The following SMCHD1 variants were observed in gnomAD, a reference collection of about 807,000 sequenced individuals.
The protein encoded by SMCHD1 is structural maintenance of chromosomes flexible hinge domain containing 1, also known as structural maintenance of chromosomes flexible hinge domain-containing protein 1.
A neutral mutation model predicts 254.7 loss-of-function variants in SMCHD1; 78 were observed. The observed-to-expected ratio is 0.31, with a 90% confidence interval of 0.26 to 0.37. The LOEUF is 0.37. Ranked by LOEUF, SMCHD1 falls within the 10% of genes least tolerant of loss-of-function variation. SMCHD1 has a pLI of 1.00. For synonymous variants in SMCHD1, 766 were observed against 794.9 expected, an observed-to-expected ratio of 0.96 and a Z score of 0.61; for missense variants, 1,840 against 2,408.1, an observed-to-expected ratio of 0.76 and a Z score of 4.94.
rs750987658 is a variant in SMCHD1, at chr18:2,760,730, C to G, written c.4425C>G (p.Asn1475Lys). Residue 1475 changes from asparagine (N) to lysine (K), a missense_variant, in exon 35 of 48, where the codon AAC becomes AAG. Asn to Lys is a moderately conservative substitution (Grantham distance 94). This residue lies in a region of SMCHD1 where 881 missense variants were observed against 1,009.5 expected (regional missense o/e 0.87). Coordinates refer to ENST00000320876, the MANE Select transcript of SMCHD1 (RefSeq NM_015295.3). ...TGATGGATAAAACAAATATTCTCAA[C>G]AGTGAACAGGTTTGCTTACTTTTTT... ...GFMMDKTNIL[N>K]SEQVIVEVLP... The G allele has an allele frequency of 6.3e-7, 1 of 1,597,836 alleles. No homozygotes were observed. The highest frequency in any genetic ancestry group is 2.2e-5 in the East Asian group (1 of 44,592).
chr18:2,728,444 A>T lies in SMCHD1; in HGVS notation c.2774-13A>T, dbSNP rs2075067303. The T allele has an allele frequency of 6.2e-7, 1 of 1,611,252 alleles. No individual in the cohort carries two copies. The highest frequency in any genetic ancestry group is 8.5e-7 in the Non-Finnish European group (1 of 1,178,682). On this transcript the variant is annotated splice_polypyrimidine_tract_variant and intron_variant, in intron 22 of 47. Coordinates refer to ENST00000320876, the MANE Select transcript of SMCHD1 (RefSeq NM_015295.3). The stretch of plus-strand genomic sequence containing the variant: ...AACCTGAATATGTATTTCATTGTAT[A>T]ATTTACTGTTAGGTCACCCTCGTCG...
In SMCHD1 at chr18:2,673,509, C is replaced by T. The variant is rs73936777; in HGVS notation, c.507+146C>T. ...TTCATCCATTGTTAAAATTTTTTCA[C>T]GTTTTTTTCCTATGCATATATGTAT... On this transcript the variant is annotated intron_variant, in intron 4 of 47. Coordinates refer to ENST00000320876, the MANE Select transcript of SMCHD1 (RefSeq NM_015295.3). 7,628 of 639,032 alleles carry T rather than the reference C, an allele frequency of 0.012. 460 individuals carry two copies. The African/African-American group carries it at 0.13, about 11-fold the overall frequency. The allele number at this position is 639,032 out of a possible 1,614,324, so 39.6% of individuals were successfully genotyped here.
At chr18:2,780,932 G>C (rs2076147659) in intron 44 of SMCHD1, among the ~76,000 whole-genome samples, 1 of 152,230 alleles carries the variant, frequency 6.6e-6, no homozygotes, top group Non-Finnish European at 1.5e-5. Context: ...TGCTATTTCA[G>C]ATATGTATCT....
At position 2,762,150 on chromosome 18, in the gene SMCHD1, A is replaced by G; in HGVS notation, c.4480A>G (p.Lys1494Glu). Residue 1494 changes from lysine to glutamate, a missense_variant, in exon 36 of 48, where the codon AAA (lysine) becomes GAA (glutamate). Physicochemically the swap from Lys to Glu is moderately conservative, Grantham distance 56. Transcript: ENST00000320876. The part of the protein sequence containing the change: ...LPNQPVKLVP[K>E]IKPPTPAVSN... ...TAATCAACCTGTGAAGTTAGTACCTAAAATTAAACCACCTACACCAGCTGT... is the reference window on the plus strand; with the variant it reads ...TAATCAACCTGTGAAGTTAGTACCTGAAATTAAACCACCTACACCAGCTGT... 6.2e-7 allele frequency: 1 copy of G among 1,613,708 alleles called. No individual in the cohort carries two copies. The highest frequency in any genetic ancestry group is 1.1e-5 in the South Asian group (1 of 91,056).
intron 19 of SMCHD1, among the ~76,000 whole-genome samples, chr18:2,721,734 G>A (rs1163981140): frequency 6.6e-6 from 1 of 152,156 alleles, no homozygotes; most frequent in East Asian, 1.9e-4. Context: ...AGTTGGTGGT[G>A]AAACTGCTTC....
intron 1 of SMCHD1, among the ~76,000 whole-genome samples, chr18:2,662,863 A>G (rs1441682736): frequency 6.6e-6 from 1 of 152,162 alleles, no homozygotes; most frequent in African/African-American, 2.4e-5. Context: ...ATTGCATGGA[A>G]TATGAGTATC....
intron 5 of SMCHD1, among the ~76,000 whole-genome samples, chr18:2,678,568 C>G (rs11080977): frequency 6.6e-6 from 1 of 151,896 alleles, no homozygotes; most frequent in African/African-American, 2.4e-5. Context: ...CCGCCCACCT[C>G]GGCCTCCCAA....
chr18:2,666,133 G>C (rs2073428402), intron 1 of SMCHD1, 24 bp from the exon 2 acceptor site: 3 of 1,118,764 alleles, frequency 2.7e-6, no homozygotes, highest in African/African-American at 3.1e-5. Context: ...TGTAATAAGT[G>C]ATTTTATTTC....
Position 2,796,072 on chromosome 18 carries a change from A to G in SMCHD1, c.5843A>G (p.His1948Arg), listed in dbSNP as rs1245325884. 2 of 1,574,884 alleles carry G rather than the reference A, an allele frequency of 1.3e-6. No individual in the cohort carries two copies. Among genetic ancestry groups the G allele is most frequent in the East Asian group, 2.3e-5 (1 of 43,890 alleles). Residue 1948 changes from histidine (H) to arginine (R), a missense_variant, in exon 46 of 48, where the codon CAT becomes CGT. Physicochemically the swap from His to Arg is conservative, Grantham distance 29 (BLOSUM62 0). Around this residue, in one of 9 missense-constraint regions of SMCHD1, gnomAD observed 132 missense variants for 138.2 expected, o/e 0.95. Coordinates refer to ENST00000320876, the MANE Select transcript of SMCHD1 (RefSeq NM_015295.3). Reference protein sequence around the residue: ...MRKKKQELDEHEKNLKLIEEK... With the variant: ...MRKKKQELDEREKNLKLIEEK... ...AAGAAAAAGCAAGAACTTGATGAAC[A>G]TGAGAAAAATCTCAAACTAATAGAG...
chr18:2,723,021 T>TA (rs1371711121), intron 20 of SMCHD1, among the ~76,000 whole-genome samples: 3 of 152,236 alleles, frequency 2.0e-5, no homozygotes, highest in African/African-American at 7.2e-5. Flanking sequence ...CGTTCTTAGT[T>TA]ATTGGATGTT....
chr18:2,691,075 C>G (rs1039684650), intron 7 of SMCHD1, among the ~76,000 whole-genome samples: 8 of 150,948 alleles, frequency 5.3e-5, no homozygotes, highest in African/African-American at 1.7e-4. Context: ...CAGGACATTA[C>G]TTTCTTTTCT....
At position 2,724,971 on chromosome 18, in the gene SMCHD1, C is replaced by A. The variant is rs1423220980; in HGVS notation, c.2676C>A (p.Gly892=). 6.3e-7 allele frequency: 1 copy of A among 1,584,646 alleles called. No individual in the cohort carries two copies. Among genetic ancestry groups the A allele is most frequent in the Non-Finnish European group, 8.6e-7 (1 of 1,161,674 alleles). Residue 892 remains glycine (G), a synonymous_variant, in exon 21 of 48, where the codon GGC becomes GGA. Coordinates refer to ENST00000320876, the MANE Select transcript of SMCHD1 (RefSeq NM_015295.3). ...NCVIRGVTAK[G]PVNSCQGKNY... Reference sequence around the variant, plus strand: ...TAATTCGAGGTGTTACAGCCAAGGGCCCTGTAAACTCTTGTCAAGGCAAGG... The same window carrying A: ...TAATTCGAGGTGTTACAGCCAAGGGACCTGTAAACTCTTGTCAAGGCAAGG...
intron 5 of SMCHD1, among the ~76,000 whole-genome samples, chr18:2,678,835 T>TTG (rs1555628161): frequency 3.4e-4 from 12 of 35,052 alleles, no homozygotes; most frequent in Admixed American, 4.3e-4. Context: ...TTTTTTTTTT[T>TTG]TTTGTTTGTT....
intron 44 of SMCHD1, among the ~76,000 whole-genome samples, chr18:2,778,579 T>C (rs780989536): frequency 6.6e-6 from 1 of 152,144 alleles, no homozygotes; most frequent in Non-Finnish European, 1.5e-5. Flanking sequence ...ATAGAAATAT[T>C]ACTGTCCCAC....
At position 2,737,800 on chromosome 18, in the gene SMCHD1, C is replaced by T. The variant is rs182755304; in HGVS notation, c.3277-597C>T. 3.2e-4 allele frequency among the ~76,000 whole-genome samples: 49 copies of T among 152,092 alleles called. 1 individual carries two copies. Among genetic ancestry groups the T allele is most frequent in the African/African-American group, 1.2e-3 (48 of 41,478 alleles). ...TAGAGAGAAAGTTGAGGTCAGAATTCTTAAATAGAAAGTATTGGGAGTTTA... is the reference window on the plus strand; with the variant it reads ...TAGAGAGAAAGTTGAGGTCAGAATTTTTAAATAGAAAGTATTGGGAGTTTA... On this transcript the variant is annotated intron_variant, in intron 25 of 47. Coordinates refer to ENST00000320876, the MANE Select transcript of SMCHD1 (RefSeq NM_015295.3).
In SMCHD1 at chr18:2,739,109, A is replaced by G. The variant is rs76187866; in HGVS notation, c.3426-323A>G. Among the ~76,000 whole-genome samples, 266 of 152,302 alleles carry G rather than the reference A, an allele frequency of 1.7e-3. 6 individuals carry two copies. The East Asian group carries it at 0.049, about 28-fold the overall frequency. On this transcript the variant is annotated intron_variant, in intron 26 of 47. Transcript: ENST00000320876. ...GAGATAGAATTTTCAAATGTACTGC[A>G]TTCTGACCGTAATGAGATCTCTCAA... is the stretch of plus-strand genomic sequence containing the variant.
At chr18:2,761,603 G>A (rs988612648) in intron 35 of SMCHD1, among the ~76,000 whole-genome samples, 6 of 152,122 alleles carry the variant, frequency 3.9e-5, no homozygotes, top group African/African-American at 4.8e-5. Flanking sequence ...GATCACTTGA[G>A]GTCAAGAGTT....
chr18:2,801,269 C>A, intron 47 of SMCHD1: 1 of 152,024 alleles, frequency 6.6e-6, no homozygotes, highest in Middle Eastern at 3.2e-3. Context: ...GAAAGAGTGT[C>A]AGTGATTTTA....
chr18:2,697,192 A>G lies in SMCHD1; in HGVS notation c.1131+70A>G, dbSNP rs2074302977. On this transcript the variant is annotated intron_variant, in intron 9 of 47. Transcript: ENST00000320876. Reference sequence around the variant, plus strand: ...TTGTTCCAGTTCCAAATGACTCAGGATAATAAAAAACACTTGATAATTAGA... The same window carrying G: ...TTGTTCCAGTTCCAAATGACTCAGGGTAATAAAAAACACTTGATAATTAGA... 4 of 729,150 alleles carry G rather than the reference A, an allele frequency of 5.5e-6. No individual in the cohort carries two copies. In the Admixed American group the frequency reaches 1.1e-4, roughly 20 times the overall value. The allele number at this position is 729,150 out of a possible 1,614,324, so 45.2% of individuals were successfully genotyped here. A position where few individuals can be genotyped will look rare whatever the true frequency, so the allele number is the denominator to read the frequency against.
Sources: gnomAD v4.1 joint callset for allele counts (sites outside exome capture counted in the v4.1 genomes callset) on GRCh38, gnomAD v4.1.1 for gene constraint, gnomAD v4.1.1 regional missense constraint, MANE v1.5 for transcripts, NCBI Gene and HGNC (gene_info 2026-07-23, HGNC 2026-07-21) for gene names.